Variants in PBLD observed in about 807,000 individuals in gnomAD.
PBLD encodes the protein phenazine biosynthesis like protein domain containing.
In PBLD, 26 loss-of-function variants were observed where a neutral mutation model predicts 31.3. That is an observed-to-expected ratio of 0.83 (90% confidence interval 0.61 to 1.15). PBLD has a LOEUF of 1.15. Among genes scored for constraint, PBLD ranks in the 50% most tolerant of loss-of-function variants. The pLI, the probability that PBLD is intolerant of heterozygous loss-of-function variation, is 0.00. For synonymous variants in PBLD, 114 were observed against 129.0 expected, an observed-to-expected ratio of 0.88 and a Z score of 0.79; for missense variants, 307 against 351.7, an observed-to-expected ratio of 0.87 and a Z score of 1.02.
intron 4 of PBLD, among the ~76,000 whole-genome samples, chr10:68,293,694 C>T (rs976152486): frequency 1.2e-4 from 18 of 152,130 alleles, no homozygotes; most frequent in African/African-American, 4.1e-4. Flanking sequence ...AACCAACCCA[C>T]GTGGAGTCCA....
chr10:68,314,788 T>TTTTA (rs965560503), intron 1 of PBLD, among the ~76,000 whole-genome samples: 15 of 151,850 alleles, frequency 9.9e-5, no homozygotes, highest in Admixed American at 2.6e-4. Flanking sequence ...TTTAATTTAA[T>TTTTA]TTTATTTATT....
chr10:68,330,312 C>G (rs769412435), intron 1 of PBLD, among the ~76,000 whole-genome samples: 1 of 152,084 alleles, frequency 6.6e-6, no homozygotes, highest in Non-Finnish European at 1.5e-5. Context: ...TGTCTCCATC[C>G]TACACACTGC....
intron 2 of PBLD, among the ~76,000 whole-genome samples, chr10:68,298,757 TACACACACACACACAC>T (rs57358655): frequency 2.0e-5 from 3 of 147,168 alleles, no homozygotes; most frequent in Non-Finnish European, 3.0e-5. Flanking sequence ...TGCATACGAA[TACACACACACACACAC>T]ACACACACAC....
chr10:68,287,107 CAAA>C (rs58960513), intron 8 of PBLD: 49 of 107,686 alleles, frequency 4.6e-4, no homozygotes, highest in Non-Finnish European at 4.6e-4. Context: ...CCAGCCTGGG[CAAA>C]AAAAAAAAAA....
chr10:68,293,055 C>T (rs2044380414), intron 4 of PBLD, among the ~76,000 whole-genome samples: 2 of 152,000 alleles, frequency 1.3e-5, no homozygotes, highest in Non-Finnish European at 2.9e-5. Flanking sequence ...AAGACAGGGT[C>T]TCACTATGTT....
At chr10:68,295,317 AC>A (rs2044410304) in intron 4 of PBLD, among the ~76,000 whole-genome samples, 1 of 151,430 alleles carries the variant, frequency 6.6e-6, no homozygotes, top group Non-Finnish European at 1.5e-5. Context: ...ACATAGCAAA[AC>A]CCTGTCTCTA....
intron 8 of PBLD, among the ~76,000 whole-genome samples, chr10:68,285,661 CTTTT>C (rs1325278610): frequency 1.3e-5 from 2 of 151,860 alleles, no homozygotes; most frequent in African/African-American, 2.4e-5. Flanking sequence ...TTCCTTTTTT[CTTTT>C]TATTTTATTT....
intron 1 of PBLD, among the ~76,000 whole-genome samples, chr10:68,326,989 G>C (rs1191931353): frequency 6.6e-6 from 1 of 152,148 alleles, no homozygotes; most frequent in Non-Finnish European, 1.5e-5. Flanking sequence ...AAGGGTTGCA[G>C]TGAGCTGAGA....
Position 68,300,599 on chromosome 10 carries a change from G to A in PBLD, c.85-3614C>T, listed in dbSNP as rs550784736. 3.5e-4 allele frequency among the ~76,000 whole-genome samples: 52 copies of A among 150,642 alleles called. 1 individual carries two copies. The South Asian group carries it at 0.011, about 31-fold the overall frequency. ...ATTTTCACAAGCTCCCCAGGTGATC[G>A]TGTGCACATTAAAGTTTGAGAAACC... On this transcript the variant is annotated intron_variant, in intron 2 of 9. Coordinates refer to ENST00000358769, the MANE Select transcript of PBLD (RefSeq NM_022129.4).
chr10:68,318,176 G>A (rs952607852), intron 1 of PBLD, among the ~76,000 whole-genome samples: 10 of 151,794 alleles, frequency 6.6e-5, no homozygotes, highest in Non-Finnish European at 8.8e-5. Context: ...GCAGTGAGCC[G>A]AGATCAAGCC....
At chr10:68,292,479 T>C (rs1042559354) in intron 4 of PBLD, among the ~76,000 whole-genome samples, 1 of 151,460 alleles carries the variant, frequency 6.6e-6, no homozygotes, top group Non-Finnish European at 1.5e-5. Flanking sequence ...CCCAGCTCTT[T>C]ACTGCTTACT....
intron 6 of PBLD, among the ~76,000 whole-genome samples, chr10:68,289,312 G>A (rs1434872112): frequency 6.6e-6 from 1 of 152,108 alleles, no homozygotes; most frequent in Non-Finnish European, 1.5e-5. Context: ...TGGATCACCT[G>A]AGGTCAGGAG....
At chr10:68,307,670 T>G (rs910258694) in intron 1 of PBLD, among the ~76,000 whole-genome samples, 1 of 152,020 alleles carries the variant, frequency 6.6e-6, no homozygotes, top group Admixed American at 6.6e-5. Flanking sequence ...CGGCTAATTT[T>G]TTGTATTTTT....
At chr10:68,291,982 AG>A (rs1221774069) in intron 6 of PBLD, 27 bp downstream of exon 6, 2 of 1,551,208 alleles carry the variant, frequency 1.3e-6, no homozygotes, top group Admixed American at 3.4e-5. Context: ...ACAAATAACT[AG>A]GCTCAGGTTT....
At chr10:68,292,359 C>T (rs1001625848) in intron 4 of PBLD, 121 bp from the exon 5 acceptor site, 8 of 856,406 alleles carry the variant, frequency 9.3e-6, no homozygotes, top group Admixed American at 2.4e-5. Flanking sequence ...TATGATGGAG[C>T]GAGGTTTGGG....
At chr10:68,285,550 G>T in intron 8 of PBLD, 140 bp from the exon 9 acceptor site, 3 of 1,213,690 alleles carry the variant, frequency 2.5e-6, no homozygotes, top group Non-Finnish European at 2.2e-6. Context: ...CCAGGCCACA[G>T]CAGGGTGTAG....
intron 1 of PBLD, among the ~76,000 whole-genome samples, chr10:68,324,986 C>T (rs1004076845): frequency 6.6e-6 from 1 of 151,462 alleles, no homozygotes; most frequent in Non-Finnish European, 1.5e-5. Flanking sequence ...TTGCTCACAC[C>T]TGTAATCCCA....
chr10:68,303,732 G>A (rs1001193715), intron 2 of PBLD, among the ~76,000 whole-genome samples: 3 of 151,866 alleles, frequency 2.0e-5, no homozygotes, highest in African/African-American at 4.8e-5. Flanking sequence ...AAAGCTCAAA[G>A]CACCACGACC....
chr10:68,318,647 T>C (rs941644818), intron 1 of PBLD, among the ~76,000 whole-genome samples: 4 of 152,066 alleles, frequency 2.6e-5, no homozygotes, highest in Non-Finnish European at 5.9e-5. Context: ...GGAATGGAGC[T>C]ATATAAGTGC....
Sources: gnomAD v4.1 joint callset for allele counts (sites outside exome capture counted in the v4.1 genomes callset) on GRCh38, gnomAD v4.1.1 for gene constraint, MANE v1.5 for transcripts, NCBI Gene and HGNC (gene_info 2026-07-23, HGNC 2026-07-21) for gene names.